ANKRD36: variants seen among roughly 807,000 people sequenced by gnomAD.
The protein encoded by ANKRD36 is ankyrin repeat domain-containing protein 36A.
ANKRD36 carries 179 observed loss-of-function variants against 278.1 expected under a neutral mutation model. The observed-to-expected ratio is 0.64, with a 90% CI of 0.57 to 0.73. The LOEUF (loss-of-function observed/expected upper bound fraction) is 0.73. ANKRD36 is among the 30% of genes least tolerant of loss of function. The pLI, the probability that ANKRD36 is intolerant of heterozygous loss-of-function variation, is 0.00. For synonymous variants in ANKRD36, 320 were observed against 641.1 expected (o/e 0.50, Z 7.57); for missense variants, 1,159 against 1,956.7 (o/e 0.59, Z 7.69).
chr2:97,229,688 A>C (rs2071216887), intron 67 of ANKRD36, among the ~76,000 whole-genome samples: 2 of 151,996 alleles, frequency 1.3e-5, no homozygotes. Flanking sequence ...TTATGATGTT[A>C]GCTAGTTATT....
intron 44 of ANKRD36, among the ~76,000 whole-genome samples, chr2:97,199,891 T>C (rs1358073042): frequency 1.8e-4 from 27 of 151,906 alleles, no homozygotes; most frequent in Non-Finnish European, 3.7e-4. Context: ...TTCTCAGTTA[T>C]TGGGCAAGTT....
intron 24 of ANKRD36, among the ~76,000 whole-genome samples, chr2:97,180,836 G>A (rs982599409): frequency 1.3e-5 from 2 of 151,622 alleles, no homozygotes; most frequent in Non-Finnish European, 2.9e-5. Flanking sequence ...ATATTGGAGT[G>A]ATTTCTGAAT....
Position 97,149,644 on chromosome 2 carries a change from A to G in ANKRD36, c.1101+283A>G, listed in dbSNP as rs559093971. Among the ~76,000 whole-genome samples, 512 of 151,136 alleles carry G rather than the reference A, an allele frequency of 3.4e-3. 6 individuals carry two copies. The highest frequency in any genetic ancestry group is 0.02 in the Middle Eastern group (6 of 294). On this transcript the variant is annotated intron_variant, in intron 12 of 75. Transcript: ENST00000420699. ...ATGATGTTCGGGAATGCTTTCCCAC[A>G]GTAGAGGATATACAAATTTTGGTCT...
chr2:97,148,042 T>C (rs888856591), intron 11 of ANKRD36, among the ~76,000 whole-genome samples: 1 of 151,966 alleles, frequency 6.6e-6, no homozygotes, highest in Non-Finnish European at 1.5e-5. Flanking sequence ...GAGATAGGAA[T>C]GTGGTATCAT....
At chr2:97,189,935 A>G (rs2058143268) in intron 34 of ANKRD36, among the ~76,000 whole-genome samples, 1 of 83,550 alleles carries the variant, frequency 1.2e-5, no homozygotes, top group African/African-American at 2.7e-5. Flanking sequence ...ATTGGGATAA[A>G]GCACACTGAC....
At chr2:97,136,897 A>G (rs888603364) in intron 6 of ANKRD36, among the ~76,000 whole-genome samples, 1 of 152,048 alleles carries the variant, frequency 6.6e-6, no homozygotes, top group African/African-American at 2.4e-5. Flanking sequence ...TTATACTGCA[A>G]TTCACATGTA....
intron 6 of ANKRD36, among the ~76,000 whole-genome samples, chr2:97,137,688 T>G (rs1239675587): frequency 2.0e-5 from 3 of 152,068 alleles, no homozygotes; most frequent in Admixed American, 2.0e-4. Flanking sequence ...CCACACTGTC[T>G]TCCACAATGG....
Position 97,162,080 on chromosome 2 carries a change from TCTTTTTTTTTTTTAATAGGAAGGAAAA to T in ANKRD36, c.1390-18_1398del, listed in dbSNP as rs2049029318. The T allele has an allele frequency of 1.4e-6, 2 of 1,457,680 alleles. No individual in the cohort carries two copies. The highest frequency in any genetic ancestry group is 2.9e-5 in the African/African-American group (2 of 69,448). 90.3% of individuals were successfully genotyped at this position (1,457,680 alleles called of 1,614,324 possible). A position where few individuals can be genotyped will look rare whatever the true frequency, so the allele number is the denominator to read the frequency against. ...GTAAATATAACATTTTCTGAAGATT[TCTTTTTTTTTTTTAATAGGAAGGAAAA>T]GCACTACCAGCAACTGGACAAAAAG... is the stretch of plus-strand genomic sequence containing the variant. On this transcript the variant is annotated splice_acceptor_variant and splice_polypyrimidine_tract_variant and coding_sequence_variant and intron_variant, in exon 18 of 76. Transcript: ENST00000420699. LOFTEE classifies it high-confidence loss of function.
At chr2:97,190,616 G>A (rs917690131) in intron 34 of ANKRD36, among the ~76,000 whole-genome samples, 17 of 151,528 alleles carry the variant, frequency 1.1e-4, no homozygotes, top group African/African-American at 3.9e-4. Context: ...AGACATGTGG[G>A]ATCATGTAGC....
chr2:97,222,844 A>G (rs1163521117), intron 66 of ANKRD36, among the ~76,000 whole-genome samples: 3 of 152,100 alleles, frequency 2.0e-5, no homozygotes, highest in Admixed American at 2.0e-4. Context: ...AGAAACTTTG[A>G]CTGATTTTAC....
intron 48 of ANKRD36, among the ~76,000 whole-genome samples, chr2:97,203,652 A>C (rs2062003767): frequency 6.6e-6 from 1 of 151,794 alleles, no homozygotes. Context: ...AGCATGATGA[A>C]TGTTTGTAGT....
At chr2:97,260,379 T>TATATACAC (rs1315601255) in intron 75 of ANKRD36, among the ~76,000 whole-genome samples, 10 of 121,248 alleles carry the variant, frequency 8.2e-5, no homozygotes, top group East Asian at 7.2e-4. Context: ...TATATATATA[T>TATATACAC]ACACACATAT....
At chr2:97,256,352 C>T (rs1332737594) in intron 75 of ANKRD36, among the ~76,000 whole-genome samples, 11 of 151,942 alleles carry the variant, frequency 7.2e-5, no homozygotes, top group South Asian at 4.2e-4. Context: ...AGCAAAACTC[C>T]GCTTCAAAAA....
chr2:97,144,917 A>C (rs981525321), intron 10 of ANKRD36, among the ~76,000 whole-genome samples: 2 of 152,012 alleles, frequency 1.3e-5, no homozygotes, highest in Non-Finnish European at 2.9e-5. Context: ...ACTTCCCTAC[A>C]TTGAAATTGG....
chr2:97,225,698 A>G lies in ANKRD36; in HGVS notation c.3951+819A>G, dbSNP rs559448430. 5.3e-5 allele frequency among the ~76,000 whole-genome samples: 8 copies of G among 152,110 alleles called. No homozygotes were observed. The East Asian group carries it at 1.4e-3, about 26-fold the overall frequency. ...GTGCAGGTTAGTTACATATGTATAC[A>G]CGTGCCATGCTGGTGTGCTGCACCC... On this transcript the variant is annotated intron_variant, in intron 67 of 75. Transcript: ENST00000420699.
intron 54 of ANKRD36, among the ~76,000 whole-genome samples, chr2:97,208,638 C>T (rs1346195801): frequency 6.8e-6 from 1 of 146,422 alleles, no homozygotes; most frequent in African/African-American, 2.7e-5. Flanking sequence ...AATTGGAATA[C>T]ACCACACTGA....
chr2:97,185,119 G>A (rs563797313), intron 28 of ANKRD36, among the ~76,000 whole-genome samples, 197 bp from the exon 29 acceptor site: 1 of 151,794 alleles, frequency 6.6e-6, no homozygotes, highest in East Asian at 2.0e-4. Flanking sequence ...GATTGACATT[G>A]TAAGGGTTTA....
Position 97,211,652 on chromosome 2 carries a change from T to G in ANKRD36, c.3397-17T>G, listed in dbSNP as rs747098260. ...TATACTTTATTTATTGACTGTTTTG[T>G]TTCAAATTCTATTCAGGCTATCTGT... On this transcript the variant is annotated splice_polypyrimidine_tract_variant and intron_variant, in intron 57 of 75. Coordinates refer to ENST00000420699, the MANE Select transcript of ANKRD36 (RefSeq NM_001354587.1). 1.2e-5 allele frequency: 19 copies of G among 1,593,548 alleles called. 1 individual carries two copies. In the African/African-American group the frequency reaches 1.6e-4, roughly 14 times the overall value.
chr2:97,126,563 C>T (rs1347213509), intron 5 of ANKRD36, among the ~76,000 whole-genome samples: 2 of 151,792 alleles, frequency 1.3e-5, no homozygotes, highest in African/African-American at 2.4e-5. Context: ...ATATTAGAAC[C>T]TATGAAAAAA....
Sources: allele counts gnomAD v4.1 joint callset (sites outside exome capture counted in the v4.1 genomes callset), GRCh38; gene constraint gnomAD v4.1.1; transcripts MANE v1.5; gene names NCBI Gene and HGNC (gene_info 2026-07-23, HGNC 2026-07-21).